The following EYS variants were observed in gnomAD, a reference collection of about 807,000 sequenced individuals.
EYS encodes the protein protein eyes shut homolog.
Under a neutral mutation model 282.1 loss-of-function variants are expected in EYS, and 250 were observed. The observed-to-expected ratio is 0.89, with a 90% CI of 0.80 to 0.98. EYS has a LOEUF of 0.98. Ranked by LOEUF, EYS falls within the 50% of genes least tolerant of loss-of-function variation. The probability of loss-of-function intolerance (pLI) is 0.00; values close to 1 mark genes in which losing one functional copy is unlikely to be tolerated. For missense variants in EYS, 4,016 were observed against 3,709.0 expected, an observed-to-expected ratio of 1.08 and a Z score of -2.15; for synonymous variants, 1,355 against 1,282.9, an observed-to-expected ratio of 1.06 and a Z score of -1.20.
intron 2 of EYS, among the ~76,000 whole-genome samples, chr6:65,578,609 A>G (rs898382982): frequency 6.6e-6 from 1 of 151,834 alleles, no homozygotes; most frequent in Non-Finnish European, 1.5e-5. Flanking sequence ...CTCAGTATTA[A>G]AAAAAATGAT....
intron 26 of EYS, among the ~76,000 whole-genome samples, chr6:64,515,070 T>G (rs1265625389): frequency 1.3e-5 from 2 of 151,776 alleles, no homozygotes; most frequent in Non-Finnish European, 2.9e-5. Context: ...TGACTTCCAC[T>G]GTTGATTTTC....
At chr6:64,333,040 A>G (rs565853464) in intron 29 of EYS, among the ~76,000 whole-genome samples, 53 of 152,266 alleles carry the variant, frequency 3.5e-4, no homozygotes, top group African/African-American at 1.3e-3. Context: ...CTGGTCCAGA[A>G]AAGGTGTGAC....
intron 30 of EYS, among the ~76,000 whole-genome samples, chr6:64,300,145 C>A (rs570494681): frequency 6.6e-6 from 1 of 152,226 alleles, no homozygotes; most frequent in East Asian, 1.9e-4. Context: ...TATATAAACC[C>A]ATTTATTTTA....
intron 2 of EYS, among the ~76,000 whole-genome samples, chr6:65,555,422 C>T (rs553566129): frequency 1.3e-5 from 2 of 151,898 alleles, no homozygotes; most frequent in South Asian, 4.2e-4. Flanking sequence ...CTATTTAGCC[C>T]TTTACTTTAT....
At chr6:64,182,786 G>C (rs570360129) in intron 31 of EYS, among the ~76,000 whole-genome samples, 2 of 152,186 alleles carry the variant, frequency 1.3e-5, no homozygotes, top group African/African-American at 4.8e-5. Flanking sequence ...CTCTGCTCCT[G>C]AGATTTCATA....
intron 11 of EYS, among the ~76,000 whole-genome samples, chr6:65,325,323 A>T (rs1769589233): frequency 6.6e-6 from 1 of 152,140 alleles, no homozygotes; most frequent in Non-Finnish European, 1.5e-5. Context: ...ATAATATTTT[A>T]AATAAATTTT....
intron 36 of EYS, among the ~76,000 whole-genome samples, chr6:63,836,205 T>C (rs574170287): frequency 6.6e-6 from 1 of 152,204 alleles, no homozygotes; most frequent in Non-Finnish European, 1.5e-5. Flanking sequence ...GAATTACTGA[T>C]ATATTCTGTA....
intron 22 of EYS, among the ~76,000 whole-genome samples, chr6:64,667,122 A>G (rs1384659756): frequency 6.6e-6 from 1 of 151,214 alleles, no homozygotes; most frequent in African/African-American, 2.4e-5. Context: ...ATCCTCACTC[A>G]GGATTCTCTG....
chr6:64,601,448 G>C (rs1766758008), intron 24 of EYS, among the ~76,000 whole-genome samples: 1 of 151,758 alleles, frequency 6.6e-6, no homozygotes, highest in African/African-American at 2.4e-5. Flanking sequence ...TTACTCTATT[G>C]CTGAAGTCCT....
intron 2 of EYS, among the ~76,000 whole-genome samples, chr6:65,637,695 C>T (rs1305057898): frequency 6.6e-6 from 1 of 152,236 alleles, no homozygotes; most frequent in East Asian, 1.9e-4. Flanking sequence ...GTAACCAAGC[C>T]TGGGCACTGT....
chr6:64,004,504 G>T (rs1768247294), intron 33 of EYS, among the ~76,000 whole-genome samples: 1 of 151,504 alleles, frequency 6.6e-6, no homozygotes, highest in South Asian at 2.1e-4. Flanking sequence ...ACCTGTTGCA[G>T]TTTGTTATAT....
chr6:64,141,590 T>C (rs1329449000), intron 31 of EYS, among the ~76,000 whole-genome samples: 4 of 152,200 alleles, frequency 2.6e-5, no homozygotes, highest in Non-Finnish European at 5.9e-5. Flanking sequence ...CCTTTTAATG[T>C]AATATCTTTA....
At chr6:64,276,956 C>T (rs1768135007) in intron 30 of EYS, among the ~76,000 whole-genome samples, 1 of 152,098 alleles carries the variant, frequency 6.6e-6, no homozygotes, top group African/African-American at 2.4e-5. Context: ...ATTTAGTGCT[C>T]ATGAAAATAT....
rs991408424 is a variant in EYS, at chr6:63,791,559, C to A, written c.7412-2335G>T. ...TACCACTGCACTCCAGCCTGGGCAA[C>A]AGAGCGAGACTCCCTCTCAAAAAAA... On this transcript the variant is annotated intron_variant, in intron 37 of 42. Coordinates refer to ENST00000503581, the MANE Select transcript of EYS (RefSeq NM_001142800.2). 6.7e-5 allele frequency among the ~76,000 whole-genome samples: 9 copies of A among 134,194 alleles called. No individual in the cohort carries two copies. The East Asian group carries it at 1.9e-3, about 29-fold the overall frequency. 88.0% of individuals were successfully genotyped at this position (134,194 alleles called of 152,430 possible).
chr6:64,590,409 A>G lies in EYS; in HGVS notation c.5458T>C (p.Phe1820Leu). The change falls in exon 26 of 43, where the codon TTT (phenylalanine) becomes CTT (leucine). Residue 1820 changes from phenylalanine (F) to leucine (L), a missense_variant. Physicochemically the swap from Phe to Leu is conservative, Grantham distance 22 (BLOSUM62 0). Coordinates refer to ENST00000503581, the MANE Select transcript of EYS (RefSeq NM_001142800.2). Reference sequence around the variant, plus strand: ...TTAAGAGAGGTCATATAATCTGTAAAATATGGCCAATCTGGCCTAATTACA... The same window carrying G: ...TTAAGAGAGGTCATATAATCTGTAAGATATGGCCAATCTGGCCTAATTACA... ...MSVIRPDWPY[F>L]TDYMTSLKKE... is the part of the protein sequence containing the mutation. The G allele has an allele frequency of 1.3e-6, 2 of 1,551,388 alleles. No homozygotes were observed. Among genetic ancestry groups the G allele is most frequent in the Non-Finnish European group, 1.7e-6 (2 of 1,146,768 alleles).
intron 26 of EYS, among the ~76,000 whole-genome samples, chr6:64,507,924 G>C (rs16895376): frequency 0.019 from 2,964 of 152,272 alleles, 88 homozygotes; most frequent in African/African-American, 0.068. Context: ...TTTAAGTAAA[G>C]TGACAAAGCA....
At position 64,425,848 on chromosome 6, in the gene EYS, G is replaced by A. The variant is rs562759194; in HGVS notation, c.5927+10326C>T. On this transcript the variant is annotated intron_variant, in intron 28 of 42. Transcript: ENST00000503581. ...ACAATAGTGTTATTTGCTGAGACAG[G>A]AAAGGCCATGGAGGGATGTGTGAAT... 1.8e-4 allele frequency among the ~76,000 whole-genome samples: 28 copies of A among 152,002 alleles called. No individual in the cohort carries two copies. The South Asian group carries it at 5.8e-3, about 32-fold the overall frequency.
At chr6:64,800,906 G>A (rs1044558101) in intron 22 of EYS, among the ~76,000 whole-genome samples, 24 of 151,866 alleles carry the variant, frequency 1.6e-4, no homozygotes, top group Non-Finnish European at 2.7e-4. Flanking sequence ...ACAATTGCAC[G>A]TCAGATTAAT....
At chr6:64,789,361 A>G (rs1219435423) in intron 22 of EYS, among the ~76,000 whole-genome samples, 2 of 152,074 alleles carry the variant, frequency 1.3e-5, no homozygotes, top group African/African-American at 4.8e-5. Flanking sequence ...GCCTTTCTTA[A>G]CCAGAGGAAC....
Sources: gnomAD v4.1 joint callset for allele counts (sites outside exome capture counted in the v4.1 genomes callset) on GRCh38, gnomAD v4.1.1 for gene constraint, MANE v1.5 for transcripts, NCBI Gene and HGNC (gene_info 2026-07-23, HGNC 2026-07-21) for gene names.